The following C2orf76 variants were observed in gnomAD, a reference collection of about 807,000 sequenced individuals.
C2orf76 encodes the protein chromosome 2 open reading frame 76, also known as UPF0538 protein C2orf76.
C2orf76 carries 23 observed loss-of-function variants against 16.9 expected under a neutral mutation model. The observed-to-expected ratio is 1.36, with a 90% confidence interval of 0.98 to 1.93. The LOEUF is 1.93. Ranked by LOEUF, C2orf76 falls within the 30% of genes most tolerant of loss-of-function variation. C2orf76 has a pLI of 0.00. For missense variants in C2orf76, 152 were observed against 152.6 expected (o/e 1.00, Z 0.02); for synonymous variants, 48 against 52.3 (o/e 0.92, Z 0.35).
At chr2:119,315,162 CACT>C (rs1034117471) in intron 4 of C2orf76, among the ~76,000 whole-genome samples, 4 of 151,722 alleles carry the variant, frequency 2.6e-5, no homozygotes, top group Non-Finnish European at 5.9e-5. Context: ...ATAAACACAC[CACT>C]GATTACCATC....
At chr2:119,318,589 G>T (rs1679250824) in intron 3 of C2orf76, among the ~76,000 whole-genome samples, 1 of 150,742 alleles carries the variant, frequency 6.6e-6, no homozygotes. Flanking sequence ...CAGTACAGCA[G>T]CATGATCTCA....
chr2:119,364,872 A>G (rs1680873813), intron 1 of C2orf76, among the ~76,000 whole-genome samples: 1 of 152,066 alleles, frequency 6.6e-6, no homozygotes, highest in South Asian at 2.1e-4. Context: ...TGAGCCCAGG[A>G]GATCAAGACC....
chr2:119,332,905 C>T (rs892466588), intron 2 of C2orf76, among the ~76,000 whole-genome samples: 3 of 152,112 alleles, frequency 2.0e-5, no homozygotes, highest in Admixed American at 1.3e-4. Context: ...AATGTTTTTA[C>T]ATTTTTAGTA....
chr2:119,317,572 G>T, intron 3 of C2orf76, 69 bp from the exon 4 acceptor site: 1 of 1,273,154 alleles, frequency 7.9e-7, no homozygotes, highest in South Asian at 1.3e-5. Context: ...TATTAAAATG[G>T]GTGGAGGGTG....
intron 3 of C2orf76, among the ~76,000 whole-genome samples, chr2:119,319,391 G>A (rs1278086007): frequency 6.6e-6 from 1 of 152,190 alleles, no homozygotes; most frequent in African/African-American, 2.4e-5. Context: ...TTTCTGTGTT[G>A]AATAAGCTGC....
In C2orf76 at chr2:119,309,271, C is replaced by G. The variant is rs575319748; in HGVS notation, c.304+2351G>C. ...CATTTCTAATAAGTACTCATTCTCT[C>G]CTAATAAGGTGGAGCTATTTTTTAT... On this transcript the variant is annotated intron_variant, in intron 5 of 5. Coordinates refer to ENST00000334816, the MANE Select transcript of C2orf76 (RefSeq NM_001322331.2). 6.6e-5 allele frequency among the ~76,000 whole-genome samples: 10 copies of G among 152,118 alleles called. No individual in the cohort carries two copies. The East Asian group carries it at 1.9e-3, about 29-fold the overall frequency.
intron 2 of C2orf76, among the ~76,000 whole-genome samples, chr2:119,325,457 CAAAAAAAAAAAAA>C (rs59581840): frequency 1.7e-5 from 1 of 59,784 alleles, no homozygotes; most frequent in Non-Finnish European, 3.1e-5. Flanking sequence ...AAGACTGTCT[CAAAAAAAAAAAAA>C]AAAAAAAAAA....
intron 5 of C2orf76, 144 bp from the exon 6 acceptor site, chr2:119,302,692 G>A (rs368060214): frequency 1.2e-4 from 48 of 417,366 alleles, no homozygotes; most frequent in East Asian, 5.8e-4. Context: ...TTGTTGGGTC[G>A]CACAATGCAT....
chr2:119,333,456 C>CTTTA (rs1306862245), intron 2 of C2orf76, among the ~76,000 whole-genome samples: 2 of 152,202 alleles, frequency 1.3e-5, no homozygotes, highest in South Asian at 2.1e-4. Flanking sequence ...TGGATGGCAC[C>CTTTA]TTTAGCCAAA....
At chr2:119,282,499 T>C in the C2orf76 span, among the ~76,000 whole-genome samples, 1 of 152,200 alleles carries the variant, frequency 6.6e-6, no homozygotes, top group Non-Finnish European at 1.5e-5. Flanking sequence ...TTTTCATGCA[T>C]TTATTCTTTA....
At chr2:119,288,019 CTG>C in the C2orf76 span, among the ~76,000 whole-genome samples, 1 of 152,042 alleles carries the variant, frequency 6.6e-6, no homozygotes, top group African/African-American at 2.4e-5. Context: ...AGAGAGGGGA[CTG>C]TGATGGCACA....
At chr2:119,292,697 T>A in the C2orf76 span, among the ~76,000 whole-genome samples, 4 of 152,184 alleles carry the variant, frequency 2.6e-5, 1 homozygote, top group Admixed American at 1.3e-4. Flanking sequence ...TACATTGCTA[T>A]GGGATGAGCT....
At chr2:119,299,389 TA>T (rs1348747574), downstream of C2orf76, among the ~76,000 whole-genome samples, 4 of 152,218 alleles carry the variant, frequency 2.6e-5, no homozygotes, top group African/African-American at 7.2e-5. Context: ...ATAAACATAA[TA>T]TTTTTTCTCC....
chr2:119,327,067 A>C (rs1259197994), intron 2 of C2orf76, among the ~76,000 whole-genome samples: 2 of 152,138 alleles, frequency 1.3e-5, no homozygotes, highest in African/African-American at 2.4e-5. Flanking sequence ...TGCCTTAATG[A>C]ACTGGCTAGA....
intron 1 of C2orf76, among the ~76,000 whole-genome samples, chr2:119,357,628 G>C (rs1680612667): frequency 6.7e-6 from 1 of 149,056 alleles, no homozygotes; most frequent in Non-Finnish European, 1.5e-5. Flanking sequence ...GCTAACGTTA[G>C]ACTTCATAAT....
chr2:119,301,783 G>A (rs1678627237), downstream of C2orf76, among the ~76,000 whole-genome samples: 1 of 151,940 alleles, frequency 6.6e-6, no homozygotes, highest in Non-Finnish European at 1.5e-5. Flanking sequence ...AGAAGTGCAA[G>A]CATCCTGCCG....
the C2orf76 span, among the ~76,000 whole-genome samples, chr2:119,282,683 C>T: frequency 0.022 from 3,391 of 152,204 alleles, 113 homozygotes; most frequent in African/African-American, 0.076. Flanking sequence ...GAGGATTAAG[C>T]GGGGTGTTTG....
intron 1 of C2orf76, among the ~76,000 whole-genome samples, chr2:119,340,610 TCGTG>T (rs1679995387): frequency 6.6e-6 from 1 of 152,074 alleles, no homozygotes; most frequent in African/African-American, 2.4e-5. Context: ...CCTCATGGTT[TCGTG>T]AGAGAATTAA....
At chr2:119,320,717 C>A (rs1487629400) in intron 3 of C2orf76, among the ~76,000 whole-genome samples, 1 of 152,172 alleles carries the variant, frequency 6.6e-6, no homozygotes, top group Admixed American at 6.5e-5. Context: ...TGTCACTCTG[C>A]TGAAGGTTAA....
Sources: gnomAD v4.1 joint callset for allele counts (sites outside exome capture counted in the v4.1 genomes callset) on GRCh38, gnomAD v4.1.1 for gene constraint, MANE v1.5 for transcripts, NCBI Gene and HGNC (gene_info 2026-07-23, HGNC 2026-07-21) for gene names.